APLP2: variants seen among roughly 807,000 people sequenced by gnomAD.
APLP2 encodes the protein CDEI box-binding protein.
In APLP2, 53 loss-of-function variants were observed where a neutral mutation model predicts 89.9. The observed-to-expected ratio is 0.59, with a 90% CI of 0.47 to 0.74. APLP2 has a LOEUF of 0.74. Ranked by LOEUF, APLP2 falls within the 30% of genes least tolerant of loss-of-function variation. The pLI is 0.00. For missense variants in APLP2, 973 were observed against 975.9 expected (o/e 1.00, Z 0.04); for synonymous variants, 372 against 348.6 (o/e 1.07, Z -0.75).
At chr11:130,118,006 G>A (rs1213869400) in intron 3 of APLP2, among the ~76,000 whole-genome samples, 1 of 151,810 alleles carries the variant, frequency 6.6e-6, no homozygotes, top group Non-Finnish European at 1.5e-5. Flanking sequence ...GAACCCGGGA[G>A]GCAGAGTTTG....
intron 7 of APLP2, among the ~76,000 whole-genome samples, chr11:130,124,848 C>T (rs535674863): frequency 6.6e-6 from 1 of 152,274 alleles, no homozygotes; most frequent in East Asian, 1.9e-4. Context: ...ATAAACTTTG[C>T]GTTTTCAGGA....
rs540731487 is a variant in APLP2 at position 130,099,974 on chromosome 11, CCT to C, written c.106-9454_106-9453del. ...CCTGAGCCGTCGGTATGTTAATAAC[CCT>C]GTTTTGTAGATTAAAAAATTAAAAC... On this transcript the variant is annotated intron_variant, in intron 1 of 16. Transcript: ENST00000338167. Among the ~76,000 whole-genome samples the C allele has an allele frequency of 5.1e-3, 770 of 152,288 alleles. 13 individuals are homozygous for C. The highest frequency in any genetic ancestry group is 0.018 in the African/African-American group (754 of 41,556).
intron 3 of APLP2, chr11:130,114,194 G>T (rs1948921241): frequency 6.6e-6 from 1 of 151,826 alleles, no homozygotes; most frequent in Non-Finnish European, 1.5e-5. Context: ...AAGATTACAT[G>T]TTGCATATTT....
intron 3 of APLP2, among the ~76,000 whole-genome samples, chr11:130,118,121 AT>A (rs1354075548): frequency 6.6e-6 from 1 of 152,104 alleles, no homozygotes. Flanking sequence ...TAGAATATAG[AT>A]TAGTAGTGAA....
intron 1 of APLP2, among the ~76,000 whole-genome samples, chr11:130,098,463 T>G (rs990499742): frequency 6.6e-6 from 1 of 152,110 alleles, no homozygotes; most frequent in South Asian, 2.1e-4. Context: ...TTTTCCCAGA[T>G]ACGTTAAAGG....
intron 10 of APLP2, among the ~76,000 whole-genome samples, 156 bp from the exon 11 acceptor site, chr11:130,129,882 G>C (rs1232586533): frequency 6.6e-6 from 1 of 152,154 alleles, no homozygotes; most frequent in Non-Finnish European, 1.5e-5. Context: ...CAGTTTTTTT[G>C]TTACTTGGTA....
chr11:130,116,862 G>T (rs1351335844), intron 3 of APLP2, among the ~76,000 whole-genome samples: 1 of 152,074 alleles, frequency 6.6e-6, no homozygotes, highest in African/African-American at 2.4e-5. Flanking sequence ...AGGCCTGGTG[G>T]CTTATGCCTG....
chr11:130,120,968 A>G (rs1278567277), intron 4 of APLP2, 150 bp downstream of exon 4: 1 of 651,566 alleles, frequency 1.5e-6, no homozygotes, highest in African/African-American at 1.8e-5. Flanking sequence ...TATAAGTTAG[A>G]AATATTTGGG....
intron 12 of APLP2, among the ~76,000 whole-genome samples, chr11:130,134,668 T>C (rs538044766): frequency 6.6e-6 from 1 of 152,292 alleles, no homozygotes; most frequent in Non-Finnish European, 1.5e-5. Context: ...ATTTTAGAAA[T>C]TCAGGAGAGA....
At chr11:130,079,191 C>T (rs1178033041) in intron 1 of APLP2, among the ~76,000 whole-genome samples, 2 of 151,874 alleles carry the variant, frequency 1.3e-5, no homozygotes, top group African/African-American at 2.4e-5. Flanking sequence ...CTTTGTCTCC[C>T]GGGTTCAAGC....
rs181058976 is a variant in APLP2 at position 130,082,016 on chromosome 11, G to A, written c.105+11934G>A. Reference sequence around the variant, plus strand: ...ATGGAATTGCCATATGTAGGGCACCGTGACAGAACAAATAACACCATAGCT... The same window carrying A: ...ATGGAATTGCCATATGTAGGGCACCATGACAGAACAAATAACACCATAGCT... On this transcript the variant is annotated intron_variant, in intron 1 of 16. Transcript: ENST00000338167. 2.1e-3 allele frequency among the ~76,000 whole-genome samples: 324 copies of A among 152,260 alleles called. 2 individuals carry two copies. Among genetic ancestry groups the A allele is most frequent in the Admixed American group, 4.8e-3 (74 of 15,290 alleles).
At chr11:130,100,906 C>T (rs1591794757) in intron 1 of APLP2, among the ~76,000 whole-genome samples, 1 of 152,210 alleles carries the variant, frequency 6.6e-6, no homozygotes, top group Non-Finnish European at 1.5e-5. Context: ...TAGGTTTTTT[C>T]ATTTTACTGC....
intron 1 of APLP2, among the ~76,000 whole-genome samples, chr11:130,105,690 C>G (rs1359003046): frequency 7.1e-6 from 1 of 141,262 alleles, no homozygotes; most frequent in African/African-American, 2.7e-5. Context: ...CTCTCCCTGT[C>G]TTTCTGTCTG....
At chr11:130,103,999 T>G (rs1947298699) in intron 1 of APLP2, among the ~76,000 whole-genome samples, 2 of 152,180 alleles carry the variant, frequency 1.3e-5, no homozygotes, top group Admixed American at 1.3e-4. Flanking sequence ...ATTTATCATG[T>G]CTTCTTGGAT....
intron 2 of APLP2, 41 bp from the exon 3 acceptor site, chr11:130,110,497 T>A (rs777309705): frequency 6.2e-7 from 1 of 1,607,374 alleles, no homozygotes; most frequent in African/African-American, 1.3e-5. Context: ...TGTGTCTGTC[T>A]GCAGATTGAT....
chr11:130,106,325 ATCCACCAC>A (rs1159119737), intron 1 of APLP2, among the ~76,000 whole-genome samples: 1 of 152,080 alleles, frequency 6.6e-6, no homozygotes, highest in Non-Finnish European at 1.5e-5. Context: ...GAATCTCTCT[ATCCACCAC>A]TCCACCTTAG....
intron 1 of APLP2, among the ~76,000 whole-genome samples, chr11:130,084,231 G>A (rs1320885505): frequency 2.6e-5 from 4 of 151,224 alleles, no homozygotes; most frequent in African/African-American, 7.3e-5. Flanking sequence ...GGGCGATAGA[G>A]CGAGACTCCG....
chr11:130,107,429 CAGAG>C (rs995876687), intron 1 of APLP2, among the ~76,000 whole-genome samples: 31 of 150,062 alleles, frequency 2.1e-4, no homozygotes, highest in African/African-American at 7.0e-4. Flanking sequence ...CAATAACAGA[CAGAG>C]AGCCAAATCG....
In APLP2 at chr11:130,106,596, A is replaced by T. The variant is rs78353759; in HGVS notation, c.106-2833A>T. 5.2e-3 allele frequency among the ~76,000 whole-genome samples: 795 copies of T among 152,188 alleles called. 9 individuals are homozygous for T. Among genetic ancestry groups the T allele is most frequent in the African/African-American group, 0.018 (740 of 41,506 alleles). On this transcript the variant is annotated intron_variant, in intron 1 of 16. Coordinates refer to ENST00000338167, the MANE Select transcript of APLP2 (RefSeq NM_001142276.2). ...CCACCATCTCTCTGCCTCAAAATCA[A>T]CATTGCCTCCATATGGGATGCTTAA...
Sources: allele counts gnomAD v4.1 joint callset (sites outside exome capture counted in the v4.1 genomes callset), GRCh38; gene constraint gnomAD v4.1.1; transcripts MANE v1.5; gene names NCBI Gene and HGNC (gene_info 2026-07-23, HGNC 2026-07-21).